The following MECOM variants were observed in gnomAD, a reference collection of about 807,000 sequenced individuals.
MECOM encodes the protein MDS1 and EVI1 complex locus.
In MECOM, 13 loss-of-function variants were observed where a neutral mutation model predicts 116.3. The ratio of observed to expected loss-of-function variants is 0.11; its 90% CI spans 0.07 to 0.18. The LOEUF (loss-of-function observed/expected upper bound fraction) is 0.18. Among genes scored for constraint, MECOM ranks in the 10% least tolerant of loss-of-function variants. The pLI is 1.00. For synonymous variants in MECOM, 528 were observed against 535.2 expected, an observed-to-expected ratio of 0.99 and a Z score of 0.19; for missense variants, 1,299 against 1,509.0, an observed-to-expected ratio of 0.86 and a Z score of 2.31.
At chr3:169,646,167 A>C (rs1774152798) in intron 1 of MECOM, among the ~76,000 whole-genome samples, 1 of 152,014 alleles carries the variant, frequency 6.6e-6, no homozygotes, top group South Asian at 2.1e-4. Flanking sequence ...GTTGGTTCCA[A>C]GTCTTTGCTA....
At chr3:169,336,571 G>T (rs1287646325) in intron 2 of MECOM, among the ~76,000 whole-genome samples, 1 of 151,886 alleles carries the variant, frequency 6.6e-6, no homozygotes, top group Non-Finnish European at 1.5e-5. Context: ...GCTTTTAAAA[G>T]GATTCTCCAT....
chr3:169,484,791 T>A (rs932152943), intron 1 of MECOM, among the ~76,000 whole-genome samples: 2 of 41,066 alleles, frequency 4.9e-5, no homozygotes, highest in South Asian at 2.4e-3. Flanking sequence ...AAATTGCTCA[T>A]CAACACTACA....
intron 2 of MECOM, among the ~76,000 whole-genome samples, chr3:169,260,110 A>AT (rs1402536047): frequency 1.3e-5 from 2 of 152,166 alleles, no homozygotes; most frequent in Non-Finnish European, 2.9e-5. Context: ...TCTAATTTTA[A>AT]TTTCTTATTA....
chr3:169,098,724 C>T (rs994258804), intron 12 of MECOM, among the ~76,000 whole-genome samples: 28 of 151,914 alleles, frequency 1.8e-4, no homozygotes, highest in African/African-American at 6.3e-4. Flanking sequence ...GATGGGGTCT[C>T]GCTGTGTTGT....
intron 3 of MECOM, among the ~76,000 whole-genome samples, chr3:169,142,333 AT>A (rs1223695011): frequency 6.6e-6 from 1 of 151,908 alleles, no homozygotes; most frequent in Non-Finnish European, 1.5e-5. Flanking sequence ...TGATTATATT[AT>A]TTCATCTTAA....
chr3:169,455,361 G>T (rs567401694), intron 1 of MECOM, among the ~76,000 whole-genome samples: 1 of 152,176 alleles, frequency 6.6e-6, no homozygotes, highest in Non-Finnish European at 1.5e-5. Flanking sequence ...GTATCTCCGC[G>T]TTTATACTGC....
intron 1 of MECOM, among the ~76,000 whole-genome samples, chr3:169,507,898 G>A (rs933102011): frequency 1.3e-5 from 2 of 151,156 alleles, no homozygotes; most frequent in Middle Eastern, 3.2e-3. Context: ...CTGACCTTGC[G>A]ATCTGCCCGC....
At chr3:169,493,437 C>T (rs1753371401) in intron 1 of MECOM, among the ~76,000 whole-genome samples, 1 of 152,164 alleles carries the variant, frequency 6.6e-6, no homozygotes. Context: ...AACCACATTG[C>T]TGCCTCCTTC....
chr3:169,515,140 G>A (rs139538927), intron 1 of MECOM, among the ~76,000 whole-genome samples: 10 of 152,166 alleles, frequency 6.6e-5, no homozygotes, highest in Non-Finnish European at 1.2e-4. Context: ...CTTTCATTTC[G>A]CCACAGCACA....
At chr3:169,643,182 C>A (rs1229401922) in intron 1 of MECOM, among the ~76,000 whole-genome samples, 1 of 152,134 alleles carries the variant, frequency 6.6e-6, no homozygotes, top group East Asian at 1.9e-4. Context: ...ACCAGATTGT[C>A]ATTTTTTTCT....
intron 2 of MECOM, among the ~76,000 whole-genome samples, chr3:169,309,833 G>A (rs186383717): frequency 1.2e-4 from 19 of 152,284 alleles, no homozygotes; most frequent in Admixed American, 3.3e-4. Context: ...TTGAGCCTCA[G>A]TTTCCTCACC....
At chr3:169,476,697 C>T (rs1750447562) in intron 1 of MECOM, among the ~76,000 whole-genome samples, 1 of 151,990 alleles carries the variant, frequency 6.6e-6, no homozygotes. Flanking sequence ...CTCCCCCTTC[C>T]CTTTACATAT....
At chr3:169,594,108 G>A (rs1194319669) in intron 1 of MECOM, among the ~76,000 whole-genome samples, 8 of 140,600 alleles carry the variant, frequency 5.7e-5, no homozygotes, top group Admixed American at 5.2e-4. Context: ...CTCCAGCCTG[G>A]GCAACAGAGT....
At chr3:169,287,758 A>G (rs1713636751) in intron 2 of MECOM, among the ~76,000 whole-genome samples, 1 of 152,206 alleles carries the variant, frequency 6.6e-6, no homozygotes, top group Admixed American at 6.5e-5. Context: ...GCTTTGGTTT[A>G]TGCAGGAAGA....
At chr3:169,194,645 ATTTTC>A (rs1748172002) in intron 2 of MECOM, among the ~76,000 whole-genome samples, 1 of 151,912 alleles carries the variant, frequency 6.6e-6, no homozygotes, top group East Asian at 1.9e-4. Flanking sequence ...TTGTTTGTGT[ATTTTC>A]CATGCTGACA....
intron 7 of MECOM, among the ~76,000 whole-genome samples, chr3:169,120,056 TC>T (rs1208805891): frequency 6.6e-6 from 1 of 152,194 alleles, no homozygotes; most frequent in African/African-American, 2.4e-5. Flanking sequence ...TAGTAGTGTC[TC>T]ATATACCTAC....
At chr3:169,270,771 C>T (rs970974072) in intron 2 of MECOM, among the ~76,000 whole-genome samples, 1 of 151,842 alleles carries the variant, frequency 6.6e-6, no homozygotes, top group African/African-American at 2.4e-5. Flanking sequence ...AATTATTGCC[C>T]CTGGATGGAC....
intron 2 of MECOM, among the ~76,000 whole-genome samples, chr3:169,277,721 T>C (rs1759781322): frequency 6.6e-6 from 1 of 152,220 alleles, no homozygotes; most frequent in East Asian, 1.9e-4. Context: ...ATTTATTACT[T>C]TGGTTTCCTC....
rs190090333 is a variant in MECOM at position 169,638,353 on chromosome 3, C to A, written c.37+24983G>T. On this transcript the variant is annotated intron_variant, in intron 1 of 16. Transcript: ENST00000651503. Reference sequence around the variant, plus strand: ...TTCTGCATGTGGCCCCTTTGTGTGACCCTCATGAACACATTCTCCAGGTTT... The same window carrying A: ...TTCTGCATGTGGCCCCTTTGTGTGAACCTCATGAACACATTCTCCAGGTTT... 1.3e-3 allele frequency among the ~76,000 whole-genome samples: 197 copies of A among 152,114 alleles called. 1 individual carries two copies. The highest frequency in any genetic ancestry group is 4.5e-3 in the African/African-American group (185 of 41,466).
Sources: allele counts gnomAD v4.1 joint callset (sites outside exome capture counted in the v4.1 genomes callset), GRCh38; gene constraint gnomAD v4.1.1; transcripts MANE v1.5; gene names NCBI Gene and HGNC (gene_info 2026-07-23, HGNC 2026-07-21).